Variants in CAPRIN2 observed in about 807,000 individuals in gnomAD.
CAPRIN2 encodes the protein caprin family member 2, also known as caprin-2.
Under a neutral mutation model 130.4 loss-of-function variants are expected in CAPRIN2, and 66 were observed. That is an observed-to-expected ratio of 0.51 (90% confidence interval 0.42 to 0.62). The LOEUF is 0.62. Among genes scored for constraint, CAPRIN2 ranks in the 20% least tolerant of loss-of-function variants. The probability of loss-of-function intolerance (pLI) is 0.00; values close to 1 mark genes in which losing one functional copy is unlikely to be tolerated. For missense variants in CAPRIN2, 1,185 were observed against 1,246.6 expected (o/e 0.95, Z 0.74); for synonymous variants, 471 against 444.1 (o/e 1.06, Z -0.76).
intron 6 of CAPRIN2, 44 bp downstream of exon 7, chr12:30,731,299 A>C: frequency 6.5e-7 from 1 of 1,544,728 alleles, no homozygotes; most frequent in Non-Finnish European, 8.9e-7. Flanking sequence ...TTGGGGTATT[A>C]AAAAATGCAA....
Position 30,734,849 on chromosome 12 carries a change from AACACACACAC to A in CAPRIN2, c.809+109_809+118del, listed in dbSNP as rs10557103. On this transcript the variant is annotated intron_variant, in intron 4 of 16. Coordinates refer to ENST00000298892, the Ensembl canonical transcript of CAPRIN2. ...TCTTAAGTTCTCTCTCCCCCTCTCT[AACACACACAC>A]ACACACACACACACACACACACACA... is the stretch of plus-strand genomic sequence containing the variant. 5,172 of 626,552 alleles carry A rather than the reference AACACACACAC, an allele frequency of 8.3e-3. 20 individuals are homozygous for A. The highest frequency in any genetic ancestry group is 0.027 in the African/African-American group (1,439 of 52,774). 38.8% of individuals were successfully genotyped at this position (626,552 alleles called of 1,614,324 possible). A position where few individuals can be genotyped will look rare whatever the true frequency, so the allele number is the denominator to read the frequency against.
chr12:30,728,864 T>C (rs774650002), exon 8 of CAPRIN2: 1 of 1,614,026 alleles, frequency 6.2e-7, no homozygotes, highest in African/African-American at 1.3e-5. Flanking sequence ...TGGTGTTCTG[T>C]TCGCTCTGCA....
chr12:30,730,413 T>C (rs2062273121), intron 6 of CAPRIN2, 131 bp from the exon 8 acceptor site: 3 of 656,740 alleles, frequency 4.6e-6, no homozygotes, highest in African/African-American at 1.8e-5. Flanking sequence ...TAATCAAGTA[T>C]ATTGATGGCA....
At chr12:30,751,304 G>C in intron 1 of CAPRIN2, 171 bp from the exon 3 acceptor site, 1 of 590,728 alleles carries the variant, frequency 1.7e-6, no homozygotes, top group South Asian at 2.0e-5. Flanking sequence ...TTCCAGTCAG[G>C]GGAGAAAAAA....
rs1032330688 is a variant in CAPRIN2 at position 30,742,026 on chromosome 12, A to G, written c.484-920T>C. Among the ~76,000 whole-genome samples the G allele has an allele frequency of 2.0e-5, 3 of 152,296 alleles. No individual in the cohort carries two copies. In the East Asian group the frequency reaches 5.8e-4, roughly 29 times the overall value. On this transcript the variant is annotated intron_variant, in intron 2 of 16. Transcript: ENST00000298892. ...ATAAACCTCAAAAATATGCTAAGTA[A>G]AAGAAGCCAGATGCAGAAGACTATT...
intron 2 of CAPRIN2, among the ~76,000 whole-genome samples, chr12:30,743,409 A>G (rs2068437707): frequency 1.3e-5 from 2 of 152,176 alleles, no homozygotes; most frequent in African/African-American, 4.8e-5. Context: ...CCATTCCACC[A>G]GAACTGTTTT....
chr12:30,710,303 G>C lies in CAPRIN2; in HGVS notation c.2833C>G (p.Gln945Glu). 1 of 1,614,184 alleles carries C rather than the reference G, an allele frequency of 6.2e-7. No individual in the cohort carries two copies. Among genetic ancestry groups the C allele is most frequent in the Non-Finnish European group, 8.5e-7 (1 of 1,180,034 alleles). Residue 945 changes from glutamine (Q) to glutamate (E), a missense_variant, in exon 17 of 17, where the codon CAG becomes GAG. Physicochemically the swap from Gln to Glu is conservative, Grantham distance 29. Around this residue, in one of 2 missense-constraint regions of CAPRIN2, gnomAD observed 1,104 missense variants for 1,104.3 expected, o/e 1.00. Coordinates refer to ENST00000298892, the Ensembl canonical transcript of CAPRIN2. The surrounding 1 kb of genome is among the most constrained non-coding windows in gnomAD (Gnocchi z 4.8). ...GCTGCTGAGAAGGCAACTCGCATCT[G>C]CTGAGGCAGAGGGTAGACGTGTACT...
At chr12:30,722,815 C>G (rs2059794281) in intron 11 of CAPRIN2, among the ~76,000 whole-genome samples, 1 of 152,036 alleles carries the variant, frequency 6.6e-6, no homozygotes, top group Non-Finnish European at 1.5e-5. Context: ...CACAGAACTG[C>G]TTGAACCCGT....
At chr12:30,749,719 A>C (rs760678064) in intron 2 of CAPRIN2, among the ~76,000 whole-genome samples, 5 of 152,232 alleles carry the variant, frequency 3.3e-5, no homozygotes, top group Non-Finnish European at 7.3e-5. Flanking sequence ...GAAGTGTCGG[A>C]TAGGCAACTG....
chr12:30,731,625 G>A (rs1359158547), intron 5 of CAPRIN2, 115 bp from the exon 7 acceptor site: 2 of 785,130 alleles, frequency 2.5e-6, no homozygotes, highest in African/African-American at 1.7e-5. Flanking sequence ...TTACATTGAT[G>A]TACATAGTAC....
chr12:30,710,277 G>C lies in CAPRIN2; in HGVS notation c.2859C>G (p.Ala953=). Reference sequence around the variant, plus strand: ...TTCCAGGGGCCAGATTAGAGGTTCTGGCTGCTGAGAAGGCAACTCGCATCT... The same window carrying C: ...TTCCAGGGGCCAGATTAGAGGTTCTCGCTGCTGAGAAGGCAACTCGCATCT... The change falls in exon 17 of 17, where the codon GCC becomes GCG. Residue 953 remains alanine, a synonymous_variant. Transcript: ENST00000298892. The surrounding 1 kb of genome is among the most constrained non-coding windows in gnomAD (Gnocchi z 4.8). 1 of 1,614,192 alleles carries C rather than the reference G, an allele frequency of 6.2e-7. No individual in the cohort carries two copies.
exon 17 of CAPRIN2, chr12:30,709,939 T>C: frequency 6.2e-7 from 1 of 1,610,220 alleles, no homozygotes; most frequent in Non-Finnish European, 8.5e-7. Context: ...AAACGTAGAA[T>C]ATTTCCAGCT....
intron 2 of CAPRIN2, among the ~76,000 whole-genome samples, chr12:30,743,772 A>G (rs187558434): frequency 1.3e-5 from 2 of 152,294 alleles, no homozygotes; most frequent in East Asian, 3.9e-4. Context: ...TTATTGTCCA[A>G]ACATTAAATG....
intron 2 of CAPRIN2, among the ~76,000 whole-genome samples, chr12:30,749,202 A>C (rs1003227174): frequency 4.6e-5 from 7 of 152,172 alleles, no homozygotes; most frequent in African/African-American, 1.4e-4. Flanking sequence ...AGCAGCAAGG[A>C]GGCTAGGGTA....
intron 16 of CAPRIN2, among the ~76,000 whole-genome samples, 172 bp downstream of exon 18, chr12:30,711,394 T>C (rs1335651745): frequency 1.3e-5 from 2 of 152,196 alleles, no homozygotes; most frequent in Non-Finnish European, 2.9e-5. Flanking sequence ...CCATAGCCTA[T>C]CTAGTGGTCT....
At chr12:30,735,972 C>T (rs565712771) in intron 3 of CAPRIN2, among the ~76,000 whole-genome samples, 5 of 152,132 alleles carry the variant, frequency 3.3e-5, no homozygotes, top group African/African-American at 1.2e-4. Context: ...AAAACCCCAT[C>T]TCTACAAAAA....
intron 2 of CAPRIN2, among the ~76,000 whole-genome samples, chr12:30,742,674 T>C (rs1270404089): frequency 7.0e-6 from 1 of 142,388 alleles, no homozygotes; most frequent in African/African-American, 2.6e-5. Flanking sequence ...AACACAACTC[T>C]AACAGGGCAG....
chr12:30,729,238 G>A (rs1283408129), exon 8 of CAPRIN2: 1 of 1,612,892 alleles, frequency 6.2e-7, no homozygotes. Context: ...GGGAGATTTG[G>A]TTTTCTAGCA....
At chr12:30,713,372 A>C (rs770405737) in intron 15 of CAPRIN2, among the ~76,000 whole-genome samples, 2 of 152,216 alleles carry the variant, frequency 1.3e-5, no homozygotes, top group Non-Finnish European at 2.9e-5. Context: ...TTTGCTATTT[A>C]GGCAAGTTAA....
Sources: gnomAD v4.1 joint callset for allele counts (sites outside exome capture counted in the v4.1 genomes callset) on GRCh38, gnomAD v4.1.1 for gene constraint, gnomAD v4.1.1 regional missense constraint, Gnocchi (gnomAD v3.1) non-coding constraint, MANE v1.5 for transcripts, NCBI Gene and HGNC (gene_info 2026-07-23, HGNC 2026-07-21) for gene names.